The following MARCHF1 variants were observed in gnomAD, a reference collection of about 807,000 sequenced individuals.
The protein encoded by MARCHF1 is membrane associated ring-CH-type finger 1.
A neutral mutation model predicts 54.2 loss-of-function variants in MARCHF1; 40 were observed. The ratio of observed to expected loss-of-function variants is 0.74; its 90% CI spans 0.57 to 0.96. MARCHF1 has a LOEUF of 0.96. Among genes scored for constraint, MARCHF1 ranks in the 40% least tolerant of loss-of-function variants. The pLI is 0.00. For synonymous variants in MARCHF1, 236 were observed against 236.3 expected (o/e 1.00, Z 0.01); for missense variants, 586 against 656.5 (o/e 0.89, Z 1.17).
chr4:163,755,737 TATA>T (rs966587192), intron 4 of MARCHF1, among the ~76,000 whole-genome samples: 4 of 152,122 alleles, frequency 2.6e-5, no homozygotes, highest in Non-Finnish European at 5.9e-5. Context: ...GTATTTTTGT[TATA>T]ATAACAGAGA....
chr4:163,581,356 G>A (rs1740227365), intron 8 of MARCHF1, among the ~76,000 whole-genome samples: 1 of 152,192 alleles, frequency 6.6e-6, no homozygotes, highest in South Asian at 2.1e-4. Context: ...TTCAGTATGT[G>A]GTGGTCATAT....
In MARCHF1 at chr4:163,733,258, T is replaced by TAC. The variant is rs56295544; in HGVS notation, c.112-32397_112-32396dup. ...ATATATATACACGTGTATATATATA[T>TAC]ACACACACACACACACACAGACACA... On this transcript the variant is annotated intron_variant, in intron 4 of 9. Transcript: ENST00000514618. 2.2e-3 allele frequency among the ~76,000 whole-genome samples: 99 copies of TAC among 45,044 alleles called. 4 individuals are homozygous for TAC. Among genetic ancestry groups the TAC allele is most frequent in the African/African-American group, 5.4e-3 (82 of 15,240 alleles). 29.6% of individuals were successfully genotyped at this position (45,044 alleles called of 152,430 possible).
intron 1 of MARCHF1, among the ~76,000 whole-genome samples, chr4:164,301,013 G>C (rs536055608): frequency 2.8e-5 from 1 of 35,764 alleles, no homozygotes. Flanking sequence ...CACACAGCAT[G>C]TTTAGTTGCC....
chr4:163,737,577 T>G (rs1311951528), intron 4 of MARCHF1, among the ~76,000 whole-genome samples: 2 of 120,176 alleles, frequency 1.7e-5, no homozygotes, highest in Admixed American at 8.5e-5. Context: ...TAGTATTCCA[T>G]GGTGTATATG....
intron 1 of MARCHF1, among the ~76,000 whole-genome samples, chr4:164,124,118 A>C (rs935285624): frequency 5.9e-5 from 9 of 152,086 alleles, no homozygotes; most frequent in African/African-American, 2.2e-4. Context: ...TCTCAAAAGA[A>C]GACATACAGA....
At position 164,284,396 on chromosome 4, in the gene MARCHF1, G is replaced by A. The variant is rs924163858; in HGVS notation, c.-323+99474C>T. Reference sequence around the variant, plus strand: ...AGCTGGTCTGGCTCAGTTCTCCAGAGTAGAAAAATTGTACAGGAAATAGGA... The same window carrying A: ...AGCTGGTCTGGCTCAGTTCTCCAGAATAGAAAAATTGTACAGGAAATAGGA... On this transcript the variant is annotated intron_variant, in intron 1 of 9. Coordinates refer to ENST00000514618, the MANE Select transcript of MARCHF1 (RefSeq NM_001394959.1). Among the ~76,000 whole-genome samples the A allele has an allele frequency of 2.0e-5, 3 of 150,380 alleles. 1 individual carries two copies. In the Admixed American group the frequency reaches 2.0e-4, roughly 10 times the overall value.
At chr4:164,251,674 T>G (rs996732464) in intron 1 of MARCHF1, among the ~76,000 whole-genome samples, 3 of 152,196 alleles carry the variant, frequency 2.0e-5, no homozygotes, top group Non-Finnish European at 2.9e-5. Flanking sequence ...TCACAGTGAT[T>G]TTGAAAATTC....
intron 4 of MARCHF1, among the ~76,000 whole-genome samples, chr4:163,842,998 A>C (rs1419387790): frequency 6.6e-6 from 1 of 151,946 alleles, no homozygotes; most frequent in Non-Finnish European, 1.5e-5. Context: ...GTAGTTTTTC[A>C]ACCTATGTCC....
chr4:163,632,612 G>A lies in MARCHF1; in HGVS notation c.163-19219C>T, dbSNP rs955631447. Among the ~76,000 whole-genome samples the A allele has an allele frequency of 1.1e-4, 17 of 152,280 alleles. No homozygotes were observed. In the East Asian group the frequency reaches 1.2e-3, roughly 10 times the overall value. On this transcript the variant is annotated intron_variant, in intron 5 of 9. Coordinates refer to ENST00000514618, the MANE Select transcript of MARCHF1 (RefSeq NM_001394959.1). ...GAGGGTCCTATGCCCACGGAGTCTC[G>A]CTGATTGTTAGCACAGCAGTCTGAG... is the stretch of plus-strand genomic sequence containing the variant.
intron 4 of MARCHF1, among the ~76,000 whole-genome samples, chr4:163,844,882 G>A (rs1749440583): frequency 6.6e-6 from 1 of 152,180 alleles, no homozygotes; most frequent in African/African-American, 2.4e-5. Flanking sequence ...TGGAGAATCA[G>A]CAGAGTAATT....
chr4:164,004,593 G>T (rs1374434326), intron 2 of MARCHF1, among the ~76,000 whole-genome samples: 1 of 151,666 alleles, frequency 6.6e-6, no homozygotes, highest in Non-Finnish European at 1.5e-5. Context: ...TATTACTTGG[G>T]CAATTAAAAA....
intron 3 of MARCHF1, among the ~76,000 whole-genome samples, chr4:163,897,412 A>G (rs1750834488): frequency 1.3e-5 from 2 of 152,020 alleles, no homozygotes; most frequent in Admixed American, 1.3e-4. Flanking sequence ...TATTCTCAGG[A>G]TTTTTCCTAA....
chr4:163,703,243 T>C (rs1398138199), intron 4 of MARCHF1, among the ~76,000 whole-genome samples: 2 of 152,070 alleles, frequency 1.3e-5, no homozygotes, highest in African/African-American at 4.8e-5. Context: ...TTTTTTTACA[T>C]AAACATCTTA....
rs1159471168 is a variant in MARCHF1 at position 164,136,146 on chromosome 4, T to C, written c.-322-24484A>G. ...CCTCACTGGGAGAGTGACGTTGACA[T>C]GATGGCAGAATAGTTTCTACTATGT... On this transcript the variant is annotated intron_variant, in intron 1 of 9. Coordinates refer to ENST00000514618, the MANE Select transcript of MARCHF1 (RefSeq NM_001394959.1). Among the ~76,000 whole-genome samples the C allele has an allele frequency of 2.0e-5, 3 of 151,380 alleles. No individual in the cohort carries two copies. In the South Asian group the frequency reaches 6.3e-4, roughly 32 times the overall value.
At chr4:163,725,685 C>T (rs566119508) in intron 4 of MARCHF1, among the ~76,000 whole-genome samples, 4 of 152,220 alleles carry the variant, frequency 2.6e-5, no homozygotes, top group African/African-American at 9.6e-5. Context: ...TGTCAGGGCA[C>T]AGAATCTCAA....
At chr4:163,574,765 T>C (rs1297318507) in intron 8 of MARCHF1, among the ~76,000 whole-genome samples, 1 of 152,056 alleles carries the variant, frequency 6.6e-6, no homozygotes, top group Non-Finnish European at 1.5e-5. Context: ...TCCAGCTTCG[T>C]TCTTTTGGCT....
At chr4:164,341,262 T>A in intron 1 of MARCHF1, among the ~76,000 whole-genome samples, 1 of 137,904 alleles carries the variant, frequency 7.3e-6, no homozygotes, top group Non-Finnish European at 1.6e-5. Context: ...ACCACCAGCT[T>A]ACATCAAAAG....
At chr4:164,265,067 A>G (rs375605096) in intron 1 of MARCHF1, among the ~76,000 whole-genome samples, 9 of 152,142 alleles carry the variant, frequency 5.9e-5, no homozygotes, top group East Asian at 1.9e-4. Flanking sequence ...TTCATACTCT[A>G]TATGTTATTA....
chr4:163,774,035 A>G (rs1747234975), intron 4 of MARCHF1, among the ~76,000 whole-genome samples: 1 of 152,170 alleles, frequency 6.6e-6, no homozygotes, highest in South Asian at 2.1e-4. Context: ...TGCACATACA[A>G]TTGTCTCCCT....
Sources: allele counts gnomAD v4.1 joint callset (sites outside exome capture counted in the v4.1 genomes callset), GRCh38; gene constraint gnomAD v4.1.1; transcripts MANE v1.5; gene names NCBI Gene and HGNC (gene_info 2026-07-23, HGNC 2026-07-21).